NBAS: variants seen among roughly 807,000 people sequenced by gnomAD.
The protein encoded by NBAS is NBAS subunit of NRZ tethering complex.
A neutral mutation model predicts 302.5 loss-of-function variants in NBAS; 219 were observed. The observed-to-expected ratio is 0.72, with a 90% CI of 0.65 to 0.81. The LOEUF is 0.81. Among genes scored for constraint, NBAS ranks in the 30% least tolerant of loss-of-function variants. NBAS has a pLI of 0.00. For synonymous variants in NBAS, 1,118 were observed against 1,021.6 expected, an observed-to-expected ratio of 1.09 and a Z score of -1.80; for missense variants, 2,932 against 2,841.6, an observed-to-expected ratio of 1.03 and a Z score of -0.72.
downstream of NBAS, among the ~76,000 whole-genome samples, chr2:15,162,776 C>A (rs1663927471): frequency 6.6e-6 from 1 of 152,180 alleles, no homozygotes; most frequent in African/African-American, 2.4e-5. Flanking sequence ...TTCCTATTTT[C>A]TCATTGTATG....
rs191522317 is a variant in NBAS at position 15,234,515 on chromosome 2, T to C, written c.6146+30A>G. ...CATCACTGACAAAGTGTCACCCCAG[T>C]TTTTCCACAATGACCACTTTCTAGC... On this transcript the variant is annotated intron_variant, in intron 46 of 51. Transcript: ENST00000281513. The C allele has an allele frequency of 1.3e-4, 210 of 1,608,782 alleles. 1 individual carries two copies. The East Asian group carries it at 4.6e-3, about 35-fold the overall frequency.
chr2:15,196,093 A>G (rs955946375), intron 48 of NBAS, among the ~76,000 whole-genome samples: 4 of 152,178 alleles, frequency 2.6e-5, no homozygotes, highest in African/African-American at 7.2e-5. Context: ...TTCTTGCTCT[A>G]AAACCTGTTA....
chr2:14,921,549 A>G, the NBAS span, among the ~76,000 whole-genome samples: 2 of 152,224 alleles, frequency 1.3e-5, no homozygotes, highest in Non-Finnish European at 2.9e-5. Flanking sequence ...AGCAAATGCA[A>G]ACACCTGGGA....
At chr2:14,964,788 C>G in the NBAS span, among the ~76,000 whole-genome samples, 2 of 151,838 alleles carry the variant, frequency 1.3e-5, no homozygotes, top group Non-Finnish European at 2.9e-5. Flanking sequence ...ACATTTTGAG[C>G]CATAAAAAAA....
chr2:15,166,000 G>A (rs1157560711), downstream of NBAS, among the ~76,000 whole-genome samples: 2 of 152,182 alleles, frequency 1.3e-5, no homozygotes, highest in Non-Finnish European at 2.9e-5. Flanking sequence ...AGGTGTGGAT[G>A]CTCTCCCCCA....
intron 43 of NBAS, 100 bp from the exon 44 acceptor site, chr2:15,275,918 A>T (rs1042301793): frequency 9.7e-7 from 1 of 1,028,108 alleles, no homozygotes; most frequent in East Asian, 2.5e-5. Flanking sequence ...GTCTGAACGC[A>T]AAGATCTATC....
At chr2:14,913,389 G>A in the NBAS span, among the ~76,000 whole-genome samples, 1 of 152,102 alleles carries the variant, frequency 6.6e-6, no homozygotes, top group South Asian at 2.1e-4. Flanking sequence ...GGAAGAGTTA[G>A]GTAGCGAAGG....
At chr2:15,026,255 G>C in the NBAS span, among the ~76,000 whole-genome samples, 2 of 53,072 alleles carry the variant, frequency 3.8e-5, 1 homozygote, top group African/African-American at 1.6e-4. Flanking sequence ...AGGAGATCGA[G>C]ACCATCCTGG....
chr2:15,288,043 A>G (rs1008778812), intron 41 of NBAS, among the ~76,000 whole-genome samples: 4 of 152,248 alleles, frequency 2.6e-5, no homozygotes, highest in Admixed American at 2.0e-4. Flanking sequence ...CAGCCCCCAC[A>G]GCCAAGAACT....
the NBAS span, among the ~76,000 whole-genome samples, chr2:15,087,187 T>C: frequency 2.7e-5 from 4 of 148,640 alleles, no homozygotes; most frequent in African/African-American, 1.0e-4. Flanking sequence ...CCAGCCTCCA[T>C]ATCATGTGGG....
chr2:15,140,996 G>A, the NBAS span, among the ~76,000 whole-genome samples: 2 of 152,160 alleles, frequency 1.3e-5, no homozygotes, highest in Non-Finnish European at 2.9e-5. Context: ...ACAGTATTTA[G>A]TAAGTGTTCA....
the NBAS span, among the ~76,000 whole-genome samples, chr2:15,116,409 CAG>C: frequency 2.4e-3 from 361 of 149,138 alleles, no homozygotes; most frequent in Admixed American, 2.7e-3. Flanking sequence ...CCCCACATGG[CAG>C]AGAGAGAGAG....
At chr2:15,005,047 T>C in the NBAS span, among the ~76,000 whole-genome samples, 3 of 152,194 alleles carry the variant, frequency 2.0e-5, no homozygotes, top group African/African-American at 7.2e-5. Flanking sequence ...AACTGTATTA[T>C]GAATTTTGGC....
At chr2:14,862,664 A>G in the NBAS span, among the ~76,000 whole-genome samples, 4 of 152,238 alleles carry the variant, frequency 2.6e-5, no homozygotes, top group Non-Finnish European at 5.9e-5. Context: ...AAAATCGCCT[A>G]GTACAATGTT....
the NBAS span, among the ~76,000 whole-genome samples, chr2:14,920,903 C>CT: frequency 0.02 from 2,932 of 144,706 alleles, 91 homozygotes; most frequent in African/African-American, 0.065. Flanking sequence ...GGCTGTTTCA[C>CT]TTTTTTTTTT....
chr2:15,158,931 T>G, the NBAS span, among the ~76,000 whole-genome samples: 1 of 152,192 alleles, frequency 6.6e-6, no homozygotes, highest in Admixed American at 6.5e-5. Context: ...TGGCTGGTTG[T>G]GAGAGTAAAC....
chr2:15,055,799 A>C, the NBAS span, among the ~76,000 whole-genome samples: 2 of 152,156 alleles, frequency 1.3e-5, no homozygotes, highest in African/African-American at 4.8e-5. Context: ...AAAGGAAGAG[A>C]TCTAGACTGG....
chr2:14,832,380 T>C, the NBAS span, among the ~76,000 whole-genome samples: 1 of 152,168 alleles, frequency 6.6e-6, no homozygotes, highest in African/African-American at 2.4e-5. Context: ...GAGTAAGGAA[T>C]GGGAAGAAGT....
intron 12 of NBAS, among the ~76,000 whole-genome samples, chr2:15,485,138 A>G (rs766831300): frequency 3.3e-5 from 5 of 152,126 alleles, no homozygotes; most frequent in Non-Finnish European, 5.9e-5. Flanking sequence ...GGCTTCCCCA[A>G]TTATTTATTC....
Sources: allele counts gnomAD v4.1 joint callset (sites outside exome capture counted in the v4.1 genomes callset), GRCh38; gene constraint gnomAD v4.1.1; transcripts MANE v1.5; gene names NCBI Gene and HGNC (gene_info 2026-07-23, HGNC 2026-07-21).